TTC1: variants seen among roughly 807,000 people sequenced by gnomAD.
The protein encoded by TTC1 is tetratricopeptide repeat protein 1.
TTC1 carries 31 observed loss-of-function variants against 37.6 expected under a neutral mutation model. The observed-to-expected ratio is 0.82, with a 90% CI of 0.62 to 1.11. TTC1 has a LOEUF of 1.11. Among genes scored for constraint, TTC1 ranks in the 50% most tolerant of loss-of-function variants. TTC1 has a pLI of 0.00. For missense variants in TTC1, 351 were observed against 339.0 expected, an observed-to-expected ratio of 1.04 and a Z score of -0.28; for synonymous variants, 127 against 122.4, an observed-to-expected ratio of 1.04 and a Z score of -0.25.
chr5:160,032,090 C>G (rs1756920933), intron 2 of TTC1, among the ~76,000 whole-genome samples: 1 of 152,206 alleles, frequency 6.6e-6, no homozygotes, highest in African/African-American at 2.4e-5. Context: ...CGTGGTTTTG[C>G]CCATTGGGAA....
intron 5 of TTC1, among the ~76,000 whole-genome samples, chr5:160,043,826 CA>C (rs1210970779): frequency 1.3e-5 from 2 of 152,082 alleles, no homozygotes; most frequent in Non-Finnish European, 2.9e-5. Context: ...TACTTCACAT[CA>C]TTTTTTTTTA....
chr5:160,045,548 TCTCTCCCC>T (rs1158662610), intron 5 of TTC1, among the ~76,000 whole-genome samples: 1 of 125,672 alleles, frequency 8.0e-6, no homozygotes, highest in Admixed American at 9.1e-5. Context: ...TCTCTCTCTC[TCTCTCCCC>T]CTCCCCTCTC....
chr5:160,041,313 C>CTTT (rs368094676), intron 4 of TTC1, among the ~76,000 whole-genome samples: 5 of 135,610 alleles, frequency 3.7e-5, no homozygotes, highest in African/African-American at 1.4e-4. Context: ...TGCTTTCTTT[C>CTTT]TTTTTTTTTT....
At chr5:160,025,601 A>G (rs1224946800) in intron 2 of TTC1, among the ~76,000 whole-genome samples, 1 of 152,230 alleles carries the variant, frequency 6.6e-6, no homozygotes, top group Non-Finnish European at 1.5e-5. Context: ...CTTTTTCTTT[A>G]GAACTATGAA....
chr5:160,015,467 A>G (rs910905246), intron 2 of TTC1, among the ~76,000 whole-genome samples: 1 of 152,146 alleles, frequency 6.6e-6, no homozygotes, highest in Non-Finnish European at 1.5e-5. Flanking sequence ...TCAGCTTCCC[A>G]CAGTGCTAGG....
intron 7 of TTC1, among the ~76,000 whole-genome samples, chr5:160,060,492 G>A (rs892651107): frequency 5.9e-5 from 9 of 152,204 alleles, no homozygotes; most frequent in South Asian, 2.1e-4. Context: ...TTCAGGACAT[G>A]TGGACATATT....
Position 160,065,039 on chromosome 5 carries a change from G to T in TTC1, c.853G>T (p.Val285Phe). 6.2e-7 allele frequency: 1 copy of T among 1,611,826 alleles called. No individual in the cohort carries two copies. Among genetic ancestry groups the T allele is most frequent in the South Asian group, 1.1e-5 (1 of 90,382 alleles). ...SSTGSYSINF[V>F]QNPNNNR ...TACCGGCTCGTACTCCATCAATTTC[G>T]TTCAAAATCCAAATAATAACAGATA... Residue 285 changes from valine (V) to phenylalanine (F), a missense_variant, in exon 8 of 8, where the codon GTT becomes TTT. Val to Phe is a conservative substitution (Grantham distance 50). Transcript: ENST00000231238.
At chr5:160,044,351 A>T (rs1423107625) in intron 5 of TTC1, among the ~76,000 whole-genome samples, 7 of 152,254 alleles carry the variant, frequency 4.6e-5, no homozygotes, top group Non-Finnish European at 7.3e-5. Flanking sequence ...AGAAATAAAG[A>T]AACAAAAGAA....
intron 5 of TTC1, among the ~76,000 whole-genome samples, chr5:160,044,008 G>A (rs189394381): frequency 7.2e-5 from 11 of 152,258 alleles, no homozygotes; most frequent in Non-Finnish European, 1.3e-4. Context: ...TGCCTGATAG[G>A]CCAGACAGGT....
chr5:160,058,836 C>T (rs952931382), intron 7 of TTC1, among the ~76,000 whole-genome samples: 1 of 152,168 alleles, frequency 6.6e-6, no homozygotes, highest in Non-Finnish European at 1.5e-5. Context: ...CATCTCAGAG[C>T]TCCTCAGTGA....
intron 4 of TTC1, among the ~76,000 whole-genome samples, chr5:160,041,359 G>GTA (rs1371749671): frequency 7.0e-6 from 1 of 141,852 alleles, no homozygotes; most frequent in African/African-American, 2.6e-5. Flanking sequence ...TGCCTAGGCT[G>GTA]TAGTACAATG....
At chr5:160,010,415 A>G in intron 1 of TTC1, 85 bp from the exon 2 acceptor site, 2 of 787,224 alleles carry the variant, frequency 2.5e-6, no homozygotes, top group Admixed American at 2.8e-5. Context: ...TTTTGGCTGT[A>G]ATGCAGAGGT....
At chr5:160,049,443 G>C (rs1757343739) in intron 5 of TTC1, 71 bp from the exon 6 acceptor site, 1 of 1,324,802 alleles carries the variant, frequency 7.5e-7, no homozygotes, top group Non-Finnish European at 1.0e-6. Context: ...ATTGATGAAG[G>C]AATCTGATAT....
At chr5:160,024,420 A>C (rs954157308) in intron 2 of TTC1, among the ~76,000 whole-genome samples, 9 of 152,168 alleles carry the variant, frequency 5.9e-5, no homozygotes, top group Admixed American at 2.0e-4. Flanking sequence ...ATTTCATCAC[A>C]TTTTCCATGA....
intron 5 of TTC1, among the ~76,000 whole-genome samples, chr5:160,044,137 T>A (rs1022930086): frequency 5.3e-5 from 8 of 152,236 alleles, no homozygotes; most frequent in Non-Finnish European, 8.8e-5. Flanking sequence ...TTTTTAGTTT[T>A]TCTTCTTTGG....
intron 4 of TTC1, among the ~76,000 whole-genome samples, chr5:160,040,629 A>G (rs1190585389): frequency 6.6e-6 from 1 of 152,068 alleles, no homozygotes; most frequent in African/African-American, 2.4e-5. Context: ...CCCAGGCTGG[A>G]GTGCAATGGC....
At chr5:160,047,549 C>T (rs191836174) in intron 5 of TTC1, among the ~76,000 whole-genome samples, 12 of 152,286 alleles carry the variant, frequency 7.9e-5, no homozygotes, top group Admixed American at 5.9e-4. Flanking sequence ...TTGCCCCACC[C>T]GCCAACACTA....
At chr5:160,032,702 C>CTTTTTTTTTTTTTTTTT (rs70987990) in intron 2 of TTC1, among the ~76,000 whole-genome samples, 1 of 74,684 alleles carries the variant, frequency 1.3e-5, no homozygotes, top group Non-Finnish European at 2.5e-5. Context: ...TACCTGCTTT[C>CTTTTTTTTTTTTTTTTT]TTTTTTTTTT....
Position 160,065,350 on chromosome 5 carries a change from A to T in TTC1, c.*285A>T, listed in dbSNP as rs1423586810. On this transcript the variant is annotated 3_prime_UTR_variant, in exon 8 of 8. Transcript: ENST00000231238. ...GGAAGAAGCCCATTTGTTGAGGCTG[A>T]CCTTCCTGATCATACACACACACAG... is the stretch of plus-strand genomic sequence containing the variant. 1.3e-5 allele frequency: 7 copies of T among 542,650 alleles called. No homozygotes were observed. In the Admixed American group the frequency reaches 1.6e-4, roughly 12 times the overall value. The allele number at this position is 542,650 out of a possible 1,614,324, so 33.6% of individuals were successfully genotyped here.
Sources: gnomAD v4.1 joint callset for allele counts (sites outside exome capture counted in the v4.1 genomes callset) on GRCh38, gnomAD v4.1.1 for gene constraint, MANE v1.5 for transcripts, NCBI Gene and HGNC (gene_info 2026-07-23, HGNC 2026-07-21) for gene names.